The following SYNPR variants were observed in gnomAD, a reference collection of about 807,000 sequenced individuals.
SYNPR encodes the protein synaptoporin.
A neutral mutation model predicts 32.9 loss-of-function variants in SYNPR; 23 were observed. The observed-to-expected ratio is 0.70, with a 90% CI of 0.50 to 0.99. The LOEUF (loss-of-function observed/expected upper bound fraction) is 0.99. SYNPR is among the 50% of genes least tolerant of loss of function. The probability of loss-of-function intolerance (pLI) is 0.00; values close to 1 mark genes in which losing one functional copy is unlikely to be tolerated. For missense variants in SYNPR, 318 were observed against 349.3 expected, an observed-to-expected ratio of 0.91 and a Z score of 0.71; for synonymous variants, 146 against 135.9, an observed-to-expected ratio of 1.07 and a Z score of -0.52.
At chr3:63,246,258 C>T (rs2086289451) in intron 1 of SYNPR, among the ~76,000 whole-genome samples, 1 of 151,996 alleles carries the variant, frequency 6.6e-6, no homozygotes, top group South Asian at 2.1e-4. Context: ...AATCAAATAC[C>T]TTTTAAATCA....
chr3:63,375,941 AC>A (rs1474392230), intron 2 of SYNPR, among the ~76,000 whole-genome samples: 1 of 152,126 alleles, frequency 6.6e-6, no homozygotes, highest in Admixed American at 6.6e-5. Flanking sequence ...CCACCTTAAA[AC>A]CTGCTTCTCC....
rs1305495584 is a variant in SYNPR at position 63,616,382 on chromosome 3, G to A, written c.*901G>A. On this transcript the variant is annotated 3_prime_UTR_variant, in exon 6 of 6. Transcript: ENST00000478300. Reference sequence around the variant, plus strand: ...TGGAGTGTTGTTTTCTTAGAATAATGGAGATGCAGATATAGATACCATAGT... The same window carrying A: ...TGGAGTGTTGTTTTCTTAGAATAATAGAGATGCAGATATAGATACCATAGT... 1 of 152,132 alleles carries A rather than the reference G, an allele frequency of 6.6e-6. No individual in the cohort carries two copies. Among genetic ancestry groups the A allele is most frequent in the Admixed American group, 6.5e-5 (1 of 15,268 alleles). 9.4% of individuals were successfully genotyped at this position (152,132 alleles called of 1,614,324 possible). A position where few individuals can be genotyped will look rare whatever the true frequency, so the allele number is the denominator to read the frequency against.
intron 2 of SYNPR, among the ~76,000 whole-genome samples, chr3:63,405,607 G>A (rs2088349543): frequency 6.6e-6 from 1 of 152,154 alleles, no homozygotes; most frequent in Non-Finnish European, 1.5e-5. Context: ...CAGATGAAAG[G>A]TGTTGAGCAA....
the SYNPR span, among the ~76,000 whole-genome samples, chr3:63,222,054 G>A: frequency 1.4e-5 from 1 of 70,630 alleles, no homozygotes; most frequent in African/African-American, 4.7e-5. Flanking sequence ...GCTGAGTAGA[G>A]AGTGGTTTAA....
chr3:63,525,303 C>T (rs903004448), intron 3 of SYNPR, among the ~76,000 whole-genome samples: 1 of 152,170 alleles, frequency 6.6e-6, no homozygotes, highest in Admixed American at 6.5e-5. Context: ...ACCTGGCTCA[C>T]ATTAGAATCA....
chr3:63,394,653 C>T (rs2088189021), intron 2 of SYNPR, among the ~76,000 whole-genome samples: 1 of 152,082 alleles, frequency 6.6e-6, no homozygotes, highest in Admixed American at 6.6e-5. Context: ...CCCAGATATC[C>T]CTAAGCAGTA....
intron 2 of SYNPR, among the ~76,000 whole-genome samples, chr3:63,417,510 C>T (rs2088557429): frequency 6.6e-6 from 1 of 152,214 alleles, no homozygotes; most frequent in South Asian, 2.1e-4. Context: ...AGGCAGTGGC[C>T]TAGTAGGGAC....
At chr3:63,333,958 G>T (rs1332881487) in intron 2 of SYNPR, among the ~76,000 whole-genome samples, 1 of 152,204 alleles carries the variant, frequency 6.6e-6, no homozygotes, top group Non-Finnish European at 1.5e-5. Flanking sequence ...AGAATGAAAA[G>T]ATGGTCTATA....
At chr3:63,298,630 G>A (rs2086814407) in intron 2 of SYNPR, among the ~76,000 whole-genome samples, 1 of 152,086 alleles carries the variant, frequency 6.6e-6, no homozygotes. Flanking sequence ...CATTCCTTAT[G>A]GGTCAAGAGT....
At chr3:63,407,833 C>T (rs1313557599) in intron 2 of SYNPR, among the ~76,000 whole-genome samples, 1 of 152,010 alleles carries the variant, frequency 6.6e-6, no homozygotes, top group Non-Finnish European at 1.5e-5. Flanking sequence ...TGCTAGGGCT[C>T]TCACTTCAAC....
chr3:63,476,702 G>A (rs141218156), intron 2 of SYNPR, among the ~76,000 whole-genome samples: 13 of 152,198 alleles, frequency 8.5e-5, no homozygotes, highest in African/African-American at 2.9e-4. Flanking sequence ...TTTTTGCGGG[G>A]CTTCCCCTCA....
Position 63,538,140 on chromosome 3 carries a change from T to C in SYNPR, c.210-18403T>C, listed in dbSNP as rs13068327. ...GACAAAAAGGATTAATAATTTACAA[T>C]GACATTTGATCGTGAGGCTTTTTTG... On this transcript the variant is annotated intron_variant, in intron 3 of 5. Transcript: ENST00000478300. Among the ~76,000 whole-genome samples the C allele has an allele frequency of 4.0e-3, 614 of 152,204 alleles. 1 individual carries two copies. Among genetic ancestry groups the C allele is most frequent in the Non-Finnish European group, 7.2e-3 (487 of 67,996 alleles).
At chr3:63,379,215 T>G (rs1369237834) in intron 2 of SYNPR, among the ~76,000 whole-genome samples, 1 of 152,150 alleles carries the variant, frequency 6.6e-6, no homozygotes. Context: ...TGGCCTTGGA[T>G]ATGGCCTGTC....
At chr3:63,464,669 G>A (rs975746788) in intron 2 of SYNPR, among the ~76,000 whole-genome samples, 2 of 151,974 alleles carry the variant, frequency 1.3e-5, no homozygotes, top group Admixed American at 1.3e-4. Flanking sequence ...ACTACTACTT[G>A]CAAGGCACTT....
At position 63,363,294 on chromosome 3, in the gene SYNPR, ATTCCTCAG is replaced by A. The variant is rs550472754; in HGVS notation, c.84+84553_84+84560del. Among the ~76,000 whole-genome samples, 5 of 152,324 alleles carry A rather than the reference ATTCCTCAG, an allele frequency of 3.3e-5. No individual in the cohort carries two copies. In the South Asian group the frequency reaches 1.0e-3, roughly 32 times the overall value. On this transcript the variant is annotated intron_variant, in intron 2 of 5. Coordinates refer to ENST00000478300, the MANE Select transcript of SYNPR (RefSeq NM_001130003.2). ...GAAGATTTCAGAAAAAATAATAATA[ATTCCTCAG>A]GTTTGACTGTACTTCACAATTTATG... is the stretch of plus-strand genomic sequence containing the variant.
chr3:63,578,685 T>A (rs1037237733), intron 4 of SYNPR, among the ~76,000 whole-genome samples: 1 of 152,164 alleles, frequency 6.6e-6, no homozygotes, highest in Non-Finnish European at 1.5e-5. Context: ...TAACCATCCC[T>A]AACCAAAGAG....
In SYNPR at chr3:63,615,335, C is replaced by A. The variant is rs1178832314; in HGVS notation, c.712C>A (p.His238Asn). The A allele has an allele frequency of 8.7e-6, 14 of 1,613,910 alleles. No homozygotes were observed. The highest frequency in any genetic ancestry group is 1.2e-5 in the Non-Finnish European group (14 of 1,179,870). ...QRYLSDPMEK[H>N]SSSYNQGGYN... is the part of the protein sequence containing the mutation. Reference sequence around the variant, plus strand: ...ATATCTTTCAGATCCAATGGAGAAGCACTCCAGCAGCTATAATCAAGGTGG... The same window carrying A: ...ATATCTTTCAGATCCAATGGAGAAGAACTCCAGCAGCTATAATCAAGGTGG... The change falls in exon 6 of 6, where the codon CAC becomes AAC. Residue 238 changes from histidine to asparagine, a missense_variant. Coordinates refer to ENST00000478300, the MANE Select transcript of SYNPR (RefSeq NM_001130003.2).
At chr3:63,566,090 A>G (rs1702785121) in intron 4 of SYNPR, among the ~76,000 whole-genome samples, 1 of 152,180 alleles carries the variant, frequency 6.6e-6, no homozygotes, top group African/African-American at 2.4e-5. Context: ...TTACTCATCA[A>G]AGAACTCTTG....
At chr3:63,524,384 C>A (rs894389005) in intron 3 of SYNPR, among the ~76,000 whole-genome samples, 5 of 152,066 alleles carry the variant, frequency 3.3e-5, no homozygotes. Flanking sequence ...CATGTGCTAC[C>A]CATATCCCCT....
Sources: gnomAD v4.1 joint callset for allele counts (sites outside exome capture counted in the v4.1 genomes callset) on GRCh38, gnomAD v4.1.1 for gene constraint, MANE v1.5 for transcripts, NCBI Gene and HGNC (gene_info 2026-07-23, HGNC 2026-07-21) for gene names.